UACA: variants seen among roughly 807,000 people sequenced by gnomAD.
UACA encodes the protein nuclear membrane binding protein.
UACA carries 112 observed loss-of-function variants against 160.5 expected under a neutral mutation model. The observed-to-expected ratio is 0.70, with a 90% CI of 0.60 to 0.82. The LOEUF (loss-of-function observed/expected upper bound fraction) is 0.82, where lower values mean the gene tolerates loss of function less well. Ranked by LOEUF, UACA falls within the 40% of genes least tolerant of loss-of-function variation. The pLI is 0.00. For synonymous variants in UACA, 557 were observed against 568.4 expected, an observed-to-expected ratio of 0.98 and a Z score of 0.29; for missense variants, 1,574 against 1,614.6, an observed-to-expected ratio of 0.97 and a Z score of 0.43.
intron 1 of UACA, among the ~76,000 whole-genome samples, chr15:70,755,137 C>G (rs1477893086): frequency 6.6e-6 from 1 of 152,132 alleles, no homozygotes; most frequent in Admixed American, 6.5e-5. Flanking sequence ...ACGTTCAAAT[C>G]TATTATTCTT....
intron 1 of UACA, among the ~76,000 whole-genome samples, chr15:70,757,293 T>C (rs1293657050): frequency 2.0e-5 from 3 of 152,210 alleles, no homozygotes; most frequent in Admixed American, 2.0e-4. Context: ...AGGGTGATTA[T>C]TTTGGCAAGA....
At chr15:70,695,539 C>G (rs1477733757) in intron 2 of UACA, among the ~76,000 whole-genome samples, 1 of 152,178 alleles carries the variant, frequency 6.6e-6, no homozygotes, top group Non-Finnish European at 1.5e-5. Context: ...CAAACACTTA[C>G]CTTTTCTCTT....
chr15:70,691,248 T>C, intron 4 of UACA, 51 bp downstream of exon 4: 1 of 1,315,174 alleles, frequency 7.6e-7, no homozygotes, highest in Non-Finnish European at 1.1e-6. Context: ...AAAGTACATC[T>C]ATGATTTGTT....
intron 1 of UACA, among the ~76,000 whole-genome samples, chr15:70,740,559 C>CCCA (rs1899498543): frequency 6.7e-6 from 1 of 150,078 alleles, no homozygotes; most frequent in Non-Finnish European, 1.5e-5. Flanking sequence ...ATCGTTTGAG[C>CCCA]CCAGGAGGTC....
chr15:70,752,743 C>T (rs543289920), intron 1 of UACA, among the ~76,000 whole-genome samples: 35 of 151,882 alleles, frequency 2.3e-4, no homozygotes, highest in Admixed American at 7.9e-4. Context: ...ATATTAAAAA[C>T]GCATCATCTC....
chr15:70,664,740 A>G lies in UACA; in HGVS notation c.4035T>C (p.Ser1345=), dbSNP rs941084181. The change falls in exon 17 of 19, where the codon AGT becomes AGC. Residue 1345 remains serine, a synonymous_variant. Transcript: ENST00000322954. ...GGCTCTGCCTCTTGGTGGGGTTCCC[A>G]CTTGTGTAGGTGAGTTGGGAAAGGC... ...LNGLSQLTYT[S]GNPTKRQSQL... is the part of the protein sequence containing the mutation. 2.5e-6 allele frequency: 4 copies of G among 1,613,568 alleles called. No individual in the cohort carries two copies. The highest frequency in any genetic ancestry group is 3.4e-6 in the Non-Finnish European group (4 of 1,179,836).
chr15:70,655,073 C>T lies in UACA; in HGVS notation c.*1983G>A, dbSNP rs1196825044. 6 of 152,104 alleles carry T rather than the reference C, an allele frequency of 3.9e-5. No individual in the cohort carries two copies. Among genetic ancestry groups the T allele is most frequent in the Non-Finnish European group, 5.9e-5 (4 of 68,034 alleles). The allele number at this position is 152,104 out of a possible 1,614,324, so 9.4% of individuals were successfully genotyped here. On this transcript the variant is annotated 3_prime_UTR_variant, in exon 19 of 19. Transcript: ENST00000322954. Reference sequence around the variant, plus strand: ...AGACAGTAAATAAAATAGTTTAACTCGCAAATCTTTTACAAGGATGTTCAA... The same window carrying T: ...AGACAGTAAATAAAATAGTTTAACTTGCAAATCTTTTACAAGGATGTTCAA...
chr15:70,737,437 T>C lies in UACA; in HGVS notation c.78+25893A>G, dbSNP rs1034221593. Among the ~76,000 whole-genome samples, 5 of 152,362 alleles carry C rather than the reference T, an allele frequency of 3.3e-5. No homozygotes were observed. In the East Asian group the frequency reaches 7.7e-4, roughly 23 times the overall value. On this transcript the variant is annotated intron_variant, in intron 1 of 18. Coordinates refer to ENST00000322954, the MANE Select transcript of UACA (RefSeq NM_018003.4). The stretch of plus-strand genomic sequence containing the variant: ...TATTTAAAAACTTGGCTGGGCACAG[T>C]GGCTCATGCCTGTAATTCCAGCACT...
the UACA span, among the ~76,000 whole-genome samples, chr15:70,770,967 T>C: frequency 6.6e-6 from 1 of 152,208 alleles, no homozygotes; most frequent in African/African-American, 2.4e-5. Flanking sequence ...AATTCCCAAA[T>C]ATGAATCACA....
At chr15:70,680,359 T>C (rs907425299) in intron 9 of UACA, among the ~76,000 whole-genome samples, 1 of 152,128 alleles carries the variant, frequency 6.6e-6, no homozygotes, top group Non-Finnish European at 1.5e-5. Flanking sequence ...CAATAACTAA[T>C]GTAGAAAGCT....
At chr15:70,771,136 T>C in the UACA span, among the ~76,000 whole-genome samples, 1 of 152,202 alleles carries the variant, frequency 6.6e-6, no homozygotes, top group South Asian at 2.1e-4. Context: ...AAATCACAAT[T>C]CCATCCAGAA....
At chr15:70,721,991 A>T (rs1244664382) in intron 1 of UACA, among the ~76,000 whole-genome samples, 6 of 152,226 alleles carry the variant, frequency 3.9e-5, no homozygotes, top group Non-Finnish European at 5.9e-5. Context: ...TCCTATTTAA[A>T]AACATTCTGT....
chr15:70,771,994 T>C, the UACA span, among the ~76,000 whole-genome samples: 1 of 152,182 alleles, frequency 6.6e-6, no homozygotes, highest in Non-Finnish European at 1.5e-5. Context: ...CGAATTGTGT[T>C]CTAATAGGAA....
intron 1 of UACA, among the ~76,000 whole-genome samples, chr15:70,708,461 T>C (rs1898582656): frequency 6.6e-6 from 1 of 150,610 alleles, no homozygotes; most frequent in Non-Finnish European, 1.5e-5. Flanking sequence ...CTCACAATAC[T>C]ATCTTTTTTT....
the UACA span, among the ~76,000 whole-genome samples, chr15:70,770,013 A>G: frequency 2.0e-5 from 3 of 152,090 alleles, no homozygotes; most frequent in Non-Finnish European, 4.4e-5. Flanking sequence ...AAGTAAATAA[A>G]AAAGAAAAGT....
At chr15:70,756,119 C>T (rs2030411777) in intron 1 of UACA, among the ~76,000 whole-genome samples, 1 of 151,992 alleles carries the variant, frequency 6.6e-6, no homozygotes, top group African/African-American at 2.4e-5. Context: ...AGGACATACG[C>T]TAAATACAAC....
intron 7 of UACA, among the ~76,000 whole-genome samples, chr15:70,684,898 A>T (rs1428570089): frequency 1.3e-5 from 2 of 151,862 alleles, no homozygotes; most frequent in African/African-American, 2.4e-5. Context: ...TACCAAACCA[A>T]CCTCATTTAT....
chr15:70,677,347 G>A (rs1470910540), intron 11 of UACA, among the ~76,000 whole-genome samples: 3 of 152,088 alleles, frequency 2.0e-5, no homozygotes, highest in African/African-American at 7.2e-5. Context: ...TGATTCTCTT[G>A]AGAACCTATC....
intron 1 of UACA, among the ~76,000 whole-genome samples, chr15:70,718,272 G>T (rs547226505): frequency 2.0e-4 from 29 of 147,246 alleles, no homozygotes; most frequent in African/African-American, 7.3e-4. Flanking sequence ...AGGGGGAGGA[G>T]GGGGAGAGAG....
Sources: gnomAD v4.1 joint callset for allele counts (sites outside exome capture counted in the v4.1 genomes callset) on GRCh38, gnomAD v4.1.1 for gene constraint, MANE v1.5 for transcripts, NCBI Gene and HGNC (gene_info 2026-07-23, HGNC 2026-07-21) for gene names.